The following ITGA1 variants were observed in gnomAD, a reference collection of about 807,000 sequenced individuals.
ITGA1 encodes the protein integrin subunit alpha 1, also known as integrin alpha-1.
A neutral mutation model predicts 145.9 loss-of-function variants in ITGA1; 85 were observed. The observed-to-expected ratio is 0.58, with a 90% confidence interval of 0.49 to 0.70. The LOEUF is 0.70. Ranked by LOEUF, ITGA1 falls within the 30% of genes least tolerant of loss-of-function variation. The probability of loss-of-function intolerance (pLI) is 0.00; values close to 1 mark genes in which losing one functional copy is unlikely to be tolerated. For missense variants in ITGA1, 1,351 were observed against 1,418.7 expected, an observed-to-expected ratio of 0.95 and a Z score of 0.77; for synonymous variants, 520 against 495.3, an observed-to-expected ratio of 1.05 and a Z score of -0.66.
At chr5:52,841,259 A>T (rs1749249825) in intron 1 of ITGA1, among the ~76,000 whole-genome samples, 1 of 152,316 alleles carries the variant, frequency 6.6e-6, no homozygotes, top group East Asian at 1.9e-4. Flanking sequence ...GGAGACACTG[A>T]GTTGGATATA....
chr5:52,829,047 T>G (rs1749014138), intron 1 of ITGA1, among the ~76,000 whole-genome samples: 1 of 152,154 alleles, frequency 6.6e-6, no homozygotes, highest in Non-Finnish European at 1.5e-5. Flanking sequence ...ATGATCTCAT[T>G]TAGACATCCT....
At chr5:52,869,111 G>A (rs192612161) in intron 6 of ITGA1, among the ~76,000 whole-genome samples, 10 of 152,244 alleles carry the variant, frequency 6.6e-5, no homozygotes, top group Admixed American at 5.9e-4. Context: ...ATCTCTGAGG[G>A]TGGGGCTATA....
chr5:52,827,435 A>G (rs542817464), intron 1 of ITGA1, among the ~76,000 whole-genome samples: 2 of 152,298 alleles, frequency 1.3e-5, no homozygotes, highest in East Asian at 3.9e-4. Context: ...AGAATTTAGA[A>G]TATTCCATAA....
chr5:52,934,323 A>G (rs1750935089), intron 23 of ITGA1, among the ~76,000 whole-genome samples: 1 of 151,680 alleles, frequency 6.6e-6, no homozygotes, highest in African/African-American at 2.4e-5. Flanking sequence ...CTATGGGACT[A>G]GATAGATGCT....
Position 52,955,122 on chromosome 5 carries a change from A to G in ITGA1, c.*2671A>G, listed in dbSNP as rs1345762575. 6.6e-6 allele frequency: 1 copy of G among 151,510 alleles called. No individual in the cohort carries two copies. The highest frequency in any genetic ancestry group is 1.5e-5 in the Non-Finnish European group (1 of 67,936). The allele number at this position is 151,510 out of a possible 1,614,324, so 9.4% of individuals were successfully genotyped here. On this transcript the variant is annotated 3_prime_UTR_variant, in exon 29 of 29. Transcript: ENST00000282588. Reference sequence around the variant, plus strand: ...TCTTTTCTGACCAAACTACAATGGTATATTGGTAAATTATTTAACAACACA... The same window carrying G: ...TCTTTTCTGACCAAACTACAATGGTGTATTGGTAAATTATTTAACAACACA...
intron 6 of ITGA1, among the ~76,000 whole-genome samples, chr5:52,869,176 T>A (rs1416807331): frequency 1.3e-5 from 2 of 152,172 alleles, no homozygotes; most frequent in African/African-American, 4.8e-5. Context: ...GTTTGTTTTT[T>A]TGACAAGGAG....
rs1184750334 is a variant in ITGA1, at chr5:52,939,608, C to G, written c.3097C>G (p.His1033Asp). Residue 1033 changes from histidine to aspartate, a missense_variant, in exon 25 of 29, where the codon CAT becomes GAT. Coordinates refer to ENST00000282588, the MANE Select transcript of ITGA1 (RefSeq NM_181501.2). Reference protein sequence around the residue: ...SSSENANCRPHIFEDPFSINS... With the variant: ...SSSENANCRPDIFEDPFSINS... ...TTTCTAGAATGCAAACTGCAGACCCCATATCTTTGAGGATCCTTTCAGTAT... is the reference window on the plus strand; with the variant it reads ...TTTCTAGAATGCAAACTGCAGACCCGATATCTTTGAGGATCCTTTCAGTAT... The G allele has an allele frequency of 1.2e-6, 2 of 1,611,490 alleles. No homozygotes were observed. Among genetic ancestry groups the G allele is most frequent in the Non-Finnish European group, 1.7e-6 (2 of 1,177,776 alleles).
Position 52,911,585 on chromosome 5 carries a change from GTGTAT to G in ITGA1, c.1857+1167_1857+1171del, listed in dbSNP as rs1750536465. ...ATCTACTATATATACTATATATATA[GTGTAT>G]CTACTATATATACTATATATATAGT... On this transcript the variant is annotated intron_variant, in intron 14 of 28. Transcript: ENST00000282588. 1.0e-4 allele frequency among the ~76,000 whole-genome samples: 6 copies of G among 60,020 alleles called. 1 individual carries two copies. Among genetic ancestry groups the G allele is most frequent in the Non-Finnish European group, 2.1e-4 (6 of 28,168 alleles). The allele number at this position is 60,020 out of a possible 152,430, so 39.4% of individuals were successfully genotyped here.
In ITGA1 at chr5:52,905,836, T is replaced by C. The variant is rs1750394204; in HGVS notation, c.1383T>C (p.His461=). The C allele has an allele frequency of 2.5e-5, 40 of 1,613,784 alleles. No individual in the cohort carries two copies. Among genetic ancestry groups the C allele is most frequent in the Non-Finnish European group, 3.2e-5 (38 of 1,179,788 alleles). ...LYIAGQPRYN[H]TGQVIIYRME... is the part of the protein sequence containing the mutation. ...TTGCTGGACAGCCTCGGTACAATCA[T>C]ACAGGCCAGGTCATTATCTACAGGA... Residue 461 remains histidine, a synonymous_variant, in exon 12 of 29, where the codon CAT becomes CAC. Coordinates refer to ENST00000282588, the MANE Select transcript of ITGA1 (RefSeq NM_181501.2).
At chr5:52,892,116 A>T (rs1279786682) in intron 8 of ITGA1, among the ~76,000 whole-genome samples, 4 of 152,052 alleles carry the variant, frequency 2.6e-5, no homozygotes, top group African/African-American at 9.7e-5. Context: ...TATATACAGA[A>T]CTCTTACAAC....
At chr5:52,934,772 C>T (rs1750941158) in intron 23 of ITGA1, among the ~76,000 whole-genome samples, 1 of 151,822 alleles carries the variant, frequency 6.6e-6, no homozygotes, top group Non-Finnish European at 1.5e-5. Flanking sequence ...ATGAAGACAG[C>T]CTCAATCCTT....
At chr5:52,871,397 C>G (rs938091880) in intron 6 of ITGA1, among the ~76,000 whole-genome samples, 2 of 152,084 alleles carry the variant, frequency 1.3e-5, no homozygotes, top group Admixed American at 1.3e-4. Context: ...TTTTGAAGGA[C>G]TGGTGGGCCA....
intron 6 of ITGA1, among the ~76,000 whole-genome samples, chr5:52,874,606 C>T (rs977333779): frequency 1.3e-5 from 2 of 152,110 alleles, no homozygotes; most frequent in African/African-American, 2.4e-5. Context: ...TCACTTTTCT[C>T]CCTCTTTCTT....
chr5:52,801,268 T>A, intron 1 of ITGA1: 1 of 1,138,270 alleles, frequency 8.8e-7, no homozygotes, highest in Non-Finnish European at 1.3e-6. Context: ...AAGAGAATGT[T>A]AAATGTCTAG....
chr5:52,950,541 C>G (rs1406105788), intron 28 of ITGA1, among the ~76,000 whole-genome samples: 1 of 152,130 alleles, frequency 6.6e-6, no homozygotes, highest in Non-Finnish European at 1.5e-5. Flanking sequence ...AAAGCCAGTG[C>G]TGCAAAGAAA....
intron 1 of ITGA1, among the ~76,000 whole-genome samples, chr5:52,831,320 G>A (rs564393264): frequency 1.3e-5 from 2 of 152,154 alleles, no homozygotes; most frequent in African/African-American, 4.8e-5. Flanking sequence ...TTTTAGTAGA[G>A]ATGGGGTTTC....
rs370114923 is a variant in ITGA1, at chr5:52,849,367, G to A, written c.64G>A (p.Val22Ile). 4 of 1,599,422 alleles carry A rather than the reference G, an allele frequency of 2.5e-6. No individual in the cohort carries two copies. The highest frequency in any genetic ancestry group is 1.1e-5 in the South Asian group (1 of 88,730). Residue 22 changes from valine (V) to isoleucine (I), a missense_variant and splice_region_variant, in exon 2 of 29, where the codon GTT becomes ATT. Transcript: ENST00000282588. ...TGGATTTTGTTTTTCTCCTAAAGTT[G>A]TTCTACGCTGCTGCGTATCATTCAA... ...AVACCWLLTV[V>I]LRCCVSFNVD...
At chr5:52,933,858 G>A (rs754314256) in intron 22 of ITGA1, 36 bp from the exon 23 acceptor site, 2 of 1,061,596 alleles carry the variant, frequency 1.9e-6, no homozygotes, top group East Asian at 2.8e-5. Context: ...GTTAAACTTT[G>A]TTATGTTTTA....
Position 52,865,692 on chromosome 5 carries a change from T to C in ITGA1, c.499T>C (p.Cys167Arg). The C allele has an allele frequency of 6.5e-7, 1 of 1,547,002 alleles. No homozygotes were observed. The highest frequency in any genetic ancestry group is 8.7e-7 in the Non-Finnish European group (1 of 1,154,464). Reference sequence around the variant, plus strand: ...ACAATTGACTCCTTTTATTGCAGAATGCAGCACTCAACTGGACATAGTCAT... The same window carrying C: ...ACAATTGACTCCTTTTATTGCAGAACGCAGCACTCAACTGGACATAGTCAT... Reference protein sequence around the residue: ...VVNSIAPVQECSTQLDIVIVL... With the variant: ...VVNSIAPVQERSTQLDIVIVL... Residue 167 changes from cysteine to arginine, a missense_variant and splice_region_variant, in exon 6 of 29, where the codon TGC becomes CGC. Cys to Arg is a radical substitution (Grantham distance 180, BLOSUM62 -3). Transcript: ENST00000282588.
Sources: allele counts gnomAD v4.1 joint callset (sites outside exome capture counted in the v4.1 genomes callset), GRCh38; gene constraint gnomAD v4.1.1; transcripts MANE v1.5; gene names NCBI Gene and HGNC (gene_info 2026-07-23, HGNC 2026-07-21).